NCAM1: variants seen among roughly 807,000 people sequenced by gnomAD.
The protein encoded by NCAM1 is antigen recognized by monoclonal antibody 5.1H11.
In NCAM1, 14 loss-of-function variants were observed where a neutral mutation model predicts 109.8. The observed-to-expected ratio is 0.13, with a 90% CI of 0.08 to 0.20. The LOEUF (loss-of-function observed/expected upper bound fraction) is 0.20. Ranked by LOEUF, NCAM1 falls within the 10% of genes least tolerant of loss-of-function variation. NCAM1 has a pLI of 1.00. For synonymous variants in NCAM1, 418 were observed against 442.9 expected, an observed-to-expected ratio of 0.94 and a Z score of 0.70; for missense variants, 774 against 1,109.9, an observed-to-expected ratio of 0.70 and a Z score of 4.30.
At chr11:113,135,028 T>C (rs1228116398) in intron 1 of NCAM1, among the ~76,000 whole-genome samples, 2 of 152,026 alleles carry the variant, frequency 1.3e-5, no homozygotes, top group Non-Finnish European at 2.9e-5. Context: ...TTACCCGTCA[T>C]TGAGTTGAGG....
In NCAM1 at chr11:113,103,021, T is replaced by C. The variant is rs923626419; in HGVS notation, c.53-99358T>C. On this transcript the variant is annotated intron_variant, in intron 1 of 19. Coordinates refer to ENST00000316851, the MANE Select transcript of NCAM1 (RefSeq NM_181351.5). Reference sequence around the variant, plus strand: ...TGCGTGTTTGTGATTAGGTAGAAGGTGCAGAGCATTGCATTCTCTGGTTAA... The same window carrying C: ...TGCGTGTTTGTGATTAGGTAGAAGGCGCAGAGCATTGCATTCTCTGGTTAA... Among the ~76,000 whole-genome samples the C allele has an allele frequency of 2.6e-5, 4 of 152,144 alleles. No individual in the cohort carries two copies. The South Asian group carries it at 6.2e-4, about 24-fold the overall frequency.
At chr11:113,242,457 A>C (rs1476946474) in intron 14 of NCAM1, among the ~76,000 whole-genome samples, 1 of 152,058 alleles carries the variant, frequency 6.6e-6, no homozygotes, top group Non-Finnish European at 1.5e-5. Flanking sequence ...TAAAAATACA[A>C]AAATTAGCCA....
At chr11:112,998,229 A>G (rs1951650852) in intron 1 of NCAM1, among the ~76,000 whole-genome samples, 1 of 152,178 alleles carries the variant, frequency 6.6e-6, no homozygotes, top group Admixed American at 6.5e-5. Context: ...TTTTCATCAT[A>G]AAAGAGGTTG....
chr11:113,164,660 C>T (rs1174083305), intron 1 of NCAM1, among the ~76,000 whole-genome samples: 1 of 152,216 alleles, frequency 6.6e-6, no homozygotes, highest in Non-Finnish European at 1.5e-5. Context: ...AAAAGGTACT[C>T]AGGGCAAGGT....
intron 1 of NCAM1, among the ~76,000 whole-genome samples, chr11:113,000,847 T>TATATATATATATATATATAC (rs1306306918): frequency 5.3e-5 from 6 of 113,584 alleles, no homozygotes; most frequent in African/African-American, 2.1e-4. Flanking sequence ...TATATATATA[T>TATATATATATATATATATAC]ACACAAAAAA....
intron 1 of NCAM1, among the ~76,000 whole-genome samples, chr11:112,988,054 A>G (rs1462275754): frequency 6.6e-6 from 1 of 151,928 alleles, no homozygotes; most frequent in Non-Finnish European, 1.5e-5. Context: ...CATATTTACT[A>G]TAGGTTTTTG....
chr11:113,225,844 T>C (rs1290154655), intron 9 of NCAM1, among the ~76,000 whole-genome samples: 2 of 152,104 alleles, frequency 1.3e-5, no homozygotes, highest in Admixed American at 6.5e-5. Context: ...GCCTCATAAG[T>C]GAAGGAGAAA....
intron 1 of NCAM1, among the ~76,000 whole-genome samples, chr11:112,991,073 A>T (rs1951445715): frequency 6.6e-6 from 1 of 152,046 alleles, no homozygotes; most frequent in Non-Finnish European, 1.5e-5. Flanking sequence ...TTGCCATCTT[A>T]CTGGTGTTCT....
intron 1 of NCAM1, among the ~76,000 whole-genome samples, chr11:113,081,900 A>G (rs1402129673): frequency 3.3e-5 from 5 of 152,188 alleles, no homozygotes; most frequent in Non-Finnish European, 1.5e-5. Flanking sequence ...CCCAACTCCA[A>G]TAACGCCTTT....
intron 7 of NCAM1, among the ~76,000 whole-genome samples, chr11:113,210,113 A>T (rs1944345156): frequency 6.6e-6 from 1 of 152,202 alleles, no homozygotes; most frequent in African/African-American, 2.4e-5. Context: ...AAGCAAACAT[A>T]CATATGTGGC....
chr11:113,053,538 A>G (rs1181139787), intron 1 of NCAM1, among the ~76,000 whole-genome samples: 2 of 152,304 alleles, frequency 1.3e-5, no homozygotes, highest in African/African-American at 4.8e-5. Context: ...GTTTAAAAGC[A>G]TTCCTATTTC....
chr11:113,089,744 G>A (rs1258577647), intron 1 of NCAM1, among the ~76,000 whole-genome samples: 5 of 152,182 alleles, frequency 3.3e-5, no homozygotes, highest in Admixed American at 6.5e-5. Context: ...AGCAACCGGG[G>A]AGGCATTTTG....
At chr11:113,131,077 T>G (rs1340411587) in intron 1 of NCAM1, among the ~76,000 whole-genome samples, 2 of 152,188 alleles carry the variant, frequency 1.3e-5, no homozygotes, top group African/African-American at 4.8e-5. Flanking sequence ...CTAAACCAAC[T>G]GGGAACAGTT....
intron 1 of NCAM1, among the ~76,000 whole-genome samples, chr11:113,129,362 CGGAGCTGGAG>C (rs1941305342): frequency 6.6e-6 from 1 of 152,122 alleles, no homozygotes; most frequent in Admixed American, 6.5e-5. Flanking sequence ...TCTGTGCATG[CGGAGCTGGAG>C]CTGTACGTCT....
intron 1 of NCAM1, among the ~76,000 whole-genome samples, chr11:113,049,539 G>T (rs1437469060): frequency 6.6e-6 from 1 of 152,154 alleles, no homozygotes. Flanking sequence ...TTGAGCCAGG[G>T]TGATGATTCT....
rs1018773628 is a variant in NCAM1, at chr11:113,264,185, C to G, written c.2131+3862C>G. On this transcript the variant is annotated intron_variant, in intron 17 of 19. Coordinates refer to ENST00000316851, the MANE Select transcript of NCAM1 (RefSeq NM_181351.5). ...TCACATATCATTCTACATATCTCAT[C>G]TCTGAGCATCTCCATGGAAGCTTGA... 7 of 985,188 alleles carry G rather than the reference C, an allele frequency of 7.1e-6. No individual in the cohort carries two copies. The African/African-American group carries it at 1.0e-4, about 15-fold the overall frequency. 61.0% of individuals were successfully genotyped at this position (985,188 alleles called of 1,614,324 possible).
At chr11:112,976,586 G>A (rs1555067729) in intron 1 of NCAM1, among the ~76,000 whole-genome samples, 1 of 151,824 alleles carries the variant, frequency 6.6e-6, no homozygotes, top group East Asian at 1.9e-4. Flanking sequence ...AAACAAAAAT[G>A]TCTGGAATGA....
At chr11:113,003,261 A>G (rs530102248) in intron 1 of NCAM1, among the ~76,000 whole-genome samples, 1 of 152,238 alleles carries the variant, frequency 6.6e-6, no homozygotes, top group Non-Finnish European at 1.5e-5. Flanking sequence ...AGGTCTCTCC[A>G]TATCAGAAGA....
chr11:113,176,444 T>A (rs1221136229), intron 1 of NCAM1, among the ~76,000 whole-genome samples: 1 of 152,210 alleles, frequency 6.6e-6, no homozygotes. Flanking sequence ...CTAGAGCCCA[T>A]CAACATTGTG....
Sources: gnomAD v4.1 joint callset for allele counts (sites outside exome capture counted in the v4.1 genomes callset) on GRCh38, gnomAD v4.1.1 for gene constraint, MANE v1.5 for transcripts, NCBI Gene and HGNC (gene_info 2026-07-23, HGNC 2026-07-21) for gene names.